Variants in VRK3 observed in about 807,000 individuals in gnomAD.
VRK3 encodes the protein VRK serine/threonine kinase 3, also known as serine/threonine-protein kinase VRK3.
Under a neutral mutation model 60.4 loss-of-function variants are expected in VRK3, and 50 were observed. That is an observed-to-expected ratio of 0.83 (90% CI 0.66 to 1.05). The LOEUF (loss-of-function observed/expected upper bound fraction) is 1.05, where lower values mean the gene tolerates loss of function less well. Among genes scored for constraint, VRK3 ranks in the 50% least tolerant of loss-of-function variants. VRK3 has a pLI of 0.00. For synonymous variants in VRK3, 246 were observed against 227.8 expected (o/e 1.08, Z -0.72); for missense variants, 549 against 585.3 (o/e 0.94, Z 0.64).
chr19:49,998,889 G>T (rs553779998), intron 6 of VRK3: 1 of 147,394 alleles, frequency 6.8e-6, no homozygotes, highest in Non-Finnish European at 1.5e-5. Context: ...GGAGGTGAAG[G>T]TGGGAGCCCA....
intron 9 of VRK3, among the ~76,000 whole-genome samples, chr19:49,994,264 C>T (rs2076662390): frequency 6.6e-6 from 1 of 152,120 alleles, no homozygotes; most frequent in African/African-American, 2.4e-5. Flanking sequence ...CACTATTGGC[C>T]CCTCCCACTA....
At chr19:49,992,026 A>T (rs2076620402) in intron 10 of VRK3, among the ~76,000 whole-genome samples, 1 of 152,256 alleles carries the variant, frequency 6.6e-6, no homozygotes, top group Admixed American at 6.5e-5. Context: ...CAGTGTTGCC[A>T]GGAACATCTT....
chr19:49,981,840 G>A, intron 12 of VRK3: 1 of 1,200,032 alleles, frequency 8.3e-7, no homozygotes, highest in Non-Finnish European at 1.0e-6. Context: ...GCTCGTGGCT[G>A]TGAGGGGCCA....
At chr19:50,021,748 C>A (rs1040635213) in intron 1 of VRK3, among the ~76,000 whole-genome samples, 6 of 152,250 alleles carry the variant, frequency 3.9e-5, no homozygotes, top group Non-Finnish European at 8.8e-5. Context: ...GACATAGTAA[C>A]CGGGACAGGG....
chr19:49,989,380 A>G (rs1468249532), intron 11 of VRK3, among the ~76,000 whole-genome samples: 14 of 152,152 alleles, frequency 9.2e-5, no homozygotes, highest in Admixed American at 9.2e-4. Flanking sequence ...CCCATCTTCC[A>G]AGTCTACAAC....
chr19:50,024,097 C>T (rs1163474031), intron 1 of VRK3, among the ~76,000 whole-genome samples: 2 of 152,038 alleles, frequency 1.3e-5, no homozygotes, highest in Non-Finnish European at 2.9e-5. Context: ...GCCACCATGC[C>T]CGGCTAATTT....
intron 3 of VRK3, 97 bp downstream of exon 3, chr19:50,015,927 G>T: frequency 6.5e-7 from 1 of 1,546,458 alleles, no homozygotes. Context: ...GTCAGGACAG[G>T]GTCAGACAGG....
intron 5 of VRK3, among the ~76,000 whole-genome samples, chr19:50,003,327 T>C (rs1251493670): frequency 6.6e-6 from 1 of 152,258 alleles, no homozygotes; most frequent in Non-Finnish European, 1.5e-5. Context: ...GCATGTGCTG[T>C]GTTAAACCAC....
At chr19:50,007,984 T>C (rs537816980) in intron 4 of VRK3, among the ~76,000 whole-genome samples, 158 bp from the exon 5 acceptor site, 4 of 152,328 alleles carry the variant, frequency 2.6e-5, no homozygotes, top group South Asian at 2.1e-4. Flanking sequence ...TGTGATGATG[T>C]TGGGGCACCA....
chr19:49,979,969 G>A (rs1269889458), intron 13 of VRK3, among the ~76,000 whole-genome samples: 1 of 152,060 alleles, frequency 6.6e-6, no homozygotes, highest in African/African-American at 2.4e-5. Flanking sequence ...AGAATGGCTT[G>A]AACCCGGGAG....
chr19:50,010,861 CA>C (rs1172423421), intron 3 of VRK3, among the ~76,000 whole-genome samples: 2 of 151,986 alleles, frequency 1.3e-5, no homozygotes, highest in African/African-American at 2.4e-5. Context: ...TGCAGTGAGC[CA>C]AGATTACACC....
intron 10 of VRK3, among the ~76,000 whole-genome samples, chr19:49,991,385 G>C (rs543595268): frequency 6.6e-6 from 1 of 152,184 alleles, no homozygotes; most frequent in East Asian, 1.9e-4. Context: ...CCCTCTTCTT[G>C]GGTCTCAGGC....
chr19:50,022,686 T>C (rs1347819311), intron 1 of VRK3, among the ~76,000 whole-genome samples: 1 of 151,742 alleles, frequency 6.6e-6, no homozygotes, highest in Admixed American at 6.6e-5. Context: ...CCCAGCTACT[T>C]GGGAGGCTGA....
Position 49,995,363 on chromosome 19 carries a change from T to C in VRK3, c.680-88A>G, listed in dbSNP as rs564329303. 20 of 1,216,318 alleles carry C rather than the reference T, an allele frequency of 1.6e-5. No homozygotes were observed. The East Asian group carries it at 4.6e-4, about 28-fold the overall frequency. 75.3% of individuals were successfully genotyped at this position (1,216,318 alleles called of 1,614,324 possible). A position where few individuals can be genotyped will look rare whatever the true frequency, so the allele number is the denominator to read the frequency against. On this transcript the variant is annotated intron_variant, in intron 7 of 14. Transcript: ENST00000316763. ...TAGTTCTCAGAGAAGAAGCACAGAG[T>C]GCCCAGACCGCCTCCAAGTCTCCTT...
intron 2 of VRK3, among the ~76,000 whole-genome samples, chr19:50,016,894 A>C (rs1240638197): frequency 6.9e-6 from 1 of 145,756 alleles, no homozygotes; most frequent in African/African-American, 2.5e-5. Context: ...ACGAGCATCT[A>C]ACAAAGAGCA....
rs746263688 is a variant in VRK3, at chr19:50,016,047, T to C, written c.116A>G (p.Asn39Ser). The change falls in exon 3 of 15, where the codon AAT (asparagine) becomes AGT (serine). Residue 39 changes from asparagine to serine, a missense_variant. Transcript: ENST00000316763. ...ACCTTGGAAGGATGACACATGTGGA[T>C]TGACAAAGGTCTGGGACCCTACATG... The part of the protein sequence containing the change: ...EEHVGSQTFV[N>S]PHVSSFQGSK... The C allele has an allele frequency of 2.0e-5, 32 of 1,614,168 alleles. No individual in the cohort carries two copies. Among genetic ancestry groups the C allele is most frequent in the South Asian group, 4.4e-5 (4 of 91,078 alleles).
Position 50,007,555 on chromosome 19 carries a change from T to C in VRK3, c.547+14A>G, listed in dbSNP as rs758136315. On this transcript the variant is annotated intron_variant, in intron 5 of 14. Coordinates refer to ENST00000316763, the MANE Select transcript of VRK3 (RefSeq NM_016440.4). ...AGACGACCCAGTCCCTGGCCGCCCATGGACAGAGTGTACCTTCATAGAGAA... is the reference window on the plus strand; with the variant it reads ...AGACGACCCAGTCCCTGGCCGCCCACGGACAGAGTGTACCTTCATAGAGAA... 35 of 1,613,188 alleles carry C rather than the reference T, an allele frequency of 2.2e-5. No homozygotes were observed. The highest frequency in any genetic ancestry group is 2.8e-5 in the Non-Finnish European group (33 of 1,179,254).
At chr19:50,017,337 G>A (rs747825253) in intron 2 of VRK3, among the ~76,000 whole-genome samples, 2 of 152,204 alleles carry the variant, frequency 1.3e-5, no homozygotes, top group African/African-American at 2.4e-5. Flanking sequence ...CACTTTGGAA[G>A]GTCGAGGTGG....
intron 2 of VRK3, among the ~76,000 whole-genome samples, chr19:50,019,589 G>A (rs999291097): frequency 2.7e-5 from 4 of 147,496 alleles, no homozygotes; most frequent in Admixed American, 6.8e-5. Context: ...GGCTCACTGC[G>A]GCCTCGAGCT....
Sources: allele counts gnomAD v4.1 joint callset (sites outside exome capture counted in the v4.1 genomes callset), GRCh38; gene constraint gnomAD v4.1.1; transcripts MANE v1.5; gene names NCBI Gene and HGNC (gene_info 2026-07-23, HGNC 2026-07-21).